The following PCED1B variants were observed in gnomAD, a reference collection of about 807,000 sequenced individuals.
PCED1B encodes PC-esterase domain-containing protein 1B.
For missense variants in PCED1B, 573 were observed against 573.9 expected (o/e 1.00, Z 0.02); for synonymous variants, 251 against 246.1 (o/e 1.02, Z -0.19).
intron 2 of PCED1B, among the ~76,000 whole-genome samples, chr12:47,113,348 C>T (rs563875037): frequency 3.3e-5 from 5 of 152,204 alleles, no homozygotes; most frequent in Admixed American, 6.5e-5. Flanking sequence ...GTATCAGGCA[C>T]GGTGTTAGGC....
At chr12:47,121,026 G>T (rs1470600364) in intron 2 of PCED1B, among the ~76,000 whole-genome samples, 2 of 152,222 alleles carry the variant, frequency 1.3e-5, no homozygotes, top group East Asian at 1.9e-4. Context: ...TAGCTAAAGG[G>T]TATGTGGCTG....
chr12:47,236,273 C>A lies in PCED1B; in HGVS notation c.1210C>A (p.Arg404Ser). The A allele has an allele frequency of 6.2e-7, 1 of 1,614,168 alleles. No homozygotes were observed. Among genetic ancestry groups the A allele is most frequent in the Non-Finnish European group, 8.5e-7 (1 of 1,180,034 alleles). Reference protein sequence around the residue: ...PVVHRGFGRYRPRGPYTPWGQ... With the variant: ...PVVHRGFGRYSPRGPYTPWGQ... ...GGTACATAGGGGTTTTGGCAGGTAT[C>A]GTCCCCGTGGCCCCTATACGCCCTG... Residue 404 changes from arginine to serine, a missense_variant, in exon 4 of 4, where the codon CGT becomes AGT. Transcript: ENST00000546455.
intron 2 of PCED1B, among the ~76,000 whole-genome samples, chr12:47,114,539 A>T (rs764306632): frequency 1.3e-5 from 2 of 152,196 alleles, no homozygotes; most frequent in Non-Finnish European, 2.9e-5. Flanking sequence ...GGCTCTTAGC[A>T]CATAAGCACA....
At chr12:47,151,028 C>T (rs545365104) in intron 2 of PCED1B, among the ~76,000 whole-genome samples, 1 of 152,052 alleles carries the variant, frequency 6.6e-6, no homozygotes, top group East Asian at 1.9e-4. Flanking sequence ...ACATAAGTAA[C>T]TTTGAAAAAT....
intron 2 of PCED1B, among the ~76,000 whole-genome samples, chr12:47,202,593 G>GTA (rs1339692746): frequency 3.9e-5 from 2 of 51,246 alleles, no homozygotes; most frequent in African/African-American, 6.8e-5. Context: ...CTAGACATTA[G>GTA]TAAAAAAAAA....
intron 2 of PCED1B, among the ~76,000 whole-genome samples, chr12:47,119,944 G>T (rs1019875379): frequency 1.3e-5 from 2 of 149,738 alleles, no homozygotes; most frequent in African/African-American, 2.5e-5. Flanking sequence ...CCAGCCTGGG[G>T]GACAGAGTGA....
intron 2 of PCED1B, among the ~76,000 whole-genome samples, chr12:47,118,592 A>C (rs4633537): frequency 0.023 from 3,434 of 152,242 alleles, 93 homozygotes; most frequent in East Asian, 0.076. Flanking sequence ...TGGTTACTGT[A>C]ACCTTGTAGT....
At chr12:47,191,332 G>A (rs10881072) in intron 2 of PCED1B, among the ~76,000 whole-genome samples, 75,368 of 151,932 alleles carry the variant, frequency 0.5, 20,631 homozygotes, top group Non-Finnish European at 0.62. Context: ...CCAGCTTTAC[G>A]ACTCCATACA....
At chr12:47,152,937 AAAAAT>A (rs1565570475) in intron 2 of PCED1B, among the ~76,000 whole-genome samples, 1 of 152,168 alleles carries the variant, frequency 6.6e-6, no homozygotes, top group Non-Finnish European at 1.5e-5. Context: ...TCCGTATCAA[AAAAAT>A]AAAATAAAAT....
intron 3 of PCED1B, among the ~76,000 whole-genome samples, chr12:47,222,142 G>A (rs1346387286): frequency 2.7e-5 from 4 of 147,848 alleles, no homozygotes; most frequent in African/African-American, 5.0e-5. Flanking sequence ...AAAAACGCCC[G>A]GGCGTGGTGG....
At chr12:47,118,410 G>T (rs554154412) in intron 2 of PCED1B, among the ~76,000 whole-genome samples, 1 of 152,218 alleles carries the variant, frequency 6.6e-6, no homozygotes, top group East Asian at 1.9e-4. Flanking sequence ...TCTACATATG[G>T]CTAGCCAGTT....
intron 2 of PCED1B, chr12:47,206,518 T>C (rs2137737715): frequency 6.6e-6 from 1 of 152,328 alleles, no homozygotes; most frequent in South Asian, 2.1e-4. Flanking sequence ...AACCATAATA[T>C]TGTCAATGAT....
At chr12:47,118,161 A>G (rs11183743) in intron 2 of PCED1B, among the ~76,000 whole-genome samples, 2,146 of 152,116 alleles carry the variant, frequency 0.014, 53 homozygotes, top group African/African-American at 0.048. Context: ...TCTGATGGTA[A>G]TTTCTTTTGC....
intron 1 of PCED1B, among the ~76,000 whole-genome samples, chr12:47,088,980 A>C (rs1938120047): frequency 6.6e-6 from 1 of 152,204 alleles, no homozygotes; most frequent in African/African-American, 2.4e-5. Context: ...GCATTGCCAC[A>C]GTGAACATTA....
intron 2 of PCED1B, among the ~76,000 whole-genome samples, chr12:47,134,694 C>T (rs1214277781): frequency 1.3e-5 from 2 of 152,128 alleles, no homozygotes; most frequent in Non-Finnish European, 2.9e-5. Flanking sequence ...AAGGTGAAAC[C>T]CCATCTCTAC....
intron 2 of PCED1B, among the ~76,000 whole-genome samples, chr12:47,119,479 T>C (rs1939578780): frequency 6.6e-6 from 1 of 151,112 alleles, no homozygotes; most frequent in African/African-American, 2.4e-5. Flanking sequence ...GAGGATTGCT[T>C]GAGCTCAGAA....
intron 2 of PCED1B, among the ~76,000 whole-genome samples, chr12:47,110,661 A>G (rs1444384269): frequency 6.6e-6 from 1 of 152,214 alleles, no homozygotes; most frequent in Non-Finnish European, 1.5e-5. Flanking sequence ...TCAAGTAAGA[A>G]ATGTTTTGGG....
intron 3 of PCED1B, among the ~76,000 whole-genome samples, chr12:47,233,856 C>CA (rs1943887001): frequency 6.6e-6 from 1 of 152,120 alleles, no homozygotes; most frequent in Non-Finnish European, 1.5e-5. Flanking sequence ...AAATGTAAAG[C>CA]AAAGAATATT....
intron 1 of PCED1B, among the ~76,000 whole-genome samples, chr12:47,103,515 T>G (rs1246662661): frequency 1.3e-5 from 2 of 152,204 alleles, no homozygotes; most frequent in Admixed American, 1.3e-4. Flanking sequence ...AAGGTCTAGA[T>G]TAGAAGGCTG....
Sources: allele counts gnomAD v4.1 joint callset (sites outside exome capture counted in the v4.1 genomes callset), GRCh38; gene constraint gnomAD v4.1.1; transcripts MANE v1.5; gene names NCBI Gene and HGNC (gene_info 2026-07-23, HGNC 2026-07-21).